Variants in XYLT1 observed in about 807,000 individuals in gnomAD.
XYLT1 encodes the protein xylosyltransferase 1.
In XYLT1, 36 loss-of-function variants were observed where a neutral mutation model predicts 91.3. The observed-to-expected ratio is 0.39, with a 90% CI of 0.30 to 0.52. The LOEUF (loss-of-function observed/expected upper bound fraction) is 0.52. XYLT1 is among the 20% of genes least tolerant of loss of function. The pLI, the probability that XYLT1 is intolerant of heterozygous loss-of-function variation, is 0.68. For missense variants in XYLT1, 1,242 were observed against 1,284.5 expected, an observed-to-expected ratio of 0.97 and a Z score of 0.51; for synonymous variants, 588 against 532.0, an observed-to-expected ratio of 1.11 and a Z score of -1.45.
intron 1 of XYLT1, among the ~76,000 whole-genome samples, chr16:17,360,729 C>T (rs551914275): frequency 2.6e-5 from 4 of 152,202 alleles, no homozygotes; most frequent in Non-Finnish European, 5.9e-5. Context: ...GAAAGGCTAA[C>T]GAAGTGGAAC....
chr16:17,308,779 C>T (rs988059975), intron 2 of XYLT1, among the ~76,000 whole-genome samples: 1 of 152,136 alleles, frequency 6.6e-6, no homozygotes, highest in Non-Finnish European at 1.5e-5. Context: ...TTTCCCAGTA[C>T]CTGACACATG....
chr16:17,296,300 C>G (rs1238827509), intron 2 of XYLT1, among the ~76,000 whole-genome samples: 1 of 152,152 alleles, frequency 6.6e-6, no homozygotes, highest in South Asian at 2.1e-4. Flanking sequence ...AGGAGGCAGG[C>G]TCAGCGCGTT....
At chr16:17,368,563 A>AT (rs1278537685) in intron 1 of XYLT1, among the ~76,000 whole-genome samples, 10,956 of 130,312 alleles carry the variant, frequency 0.084, 708 homozygotes, top group African/African-American at 0.18. Context: ...GGATAGATAG[A>AT]TTTTTTTTTT....
At chr16:17,230,094 C>A (rs561569672) in intron 3 of XYLT1, among the ~76,000 whole-genome samples, 1 of 152,330 alleles carries the variant, frequency 6.6e-6, no homozygotes, top group African/African-American at 2.4e-5. Context: ...CTAGAACCAA[C>A]CAACCCTGCT....
intron 3 of XYLT1, among the ~76,000 whole-genome samples, chr16:17,235,161 G>A (rs981517488): frequency 2.2e-4 from 34 of 152,092 alleles, no homozygotes; most frequent in Non-Finnish European, 8.8e-5. Context: ...GGAGGTTACT[G>A]ATGCCTGATT....
intron 1 of XYLT1, among the ~76,000 whole-genome samples, chr16:17,430,355 G>A (rs1279570462): frequency 6.6e-6 from 1 of 152,214 alleles, no homozygotes; most frequent in Non-Finnish European, 1.5e-5. Flanking sequence ...TGCTCAACCA[G>A]TAAGTATAAC....
intron 1 of XYLT1, among the ~76,000 whole-genome samples, chr16:17,468,723 T>C (rs2036935174): frequency 6.6e-6 from 1 of 152,084 alleles, no homozygotes. Flanking sequence ...AGGTGCTACA[T>C]GCATCCTAAA....
At chr16:17,212,176 T>G (rs1240984196) in intron 3 of XYLT1, among the ~76,000 whole-genome samples, 1 of 152,238 alleles carries the variant, frequency 6.6e-6, no homozygotes, top group Non-Finnish European at 1.5e-5. Context: ...AATCAGAAAC[T>G]CTGGGTGTGG....
chr16:17,303,333 G>A (rs1317559052), intron 2 of XYLT1, among the ~76,000 whole-genome samples: 1 of 152,184 alleles, frequency 6.6e-6, no homozygotes, highest in Non-Finnish European at 1.5e-5. Flanking sequence ...CTACTGTACA[G>A]CCACGCTGGC....
intron 11 of XYLT1, 94 bp from the exon 12 acceptor site, chr16:17,109,111 A>G: frequency 8.2e-7 from 1 of 1,217,388 alleles, no homozygotes; most frequent in Non-Finnish European, 1.1e-6. Flanking sequence ...ACTGGGTGCC[A>G]TGCATCGCCT....
chr16:17,320,250 T>G (rs2034695488), intron 2 of XYLT1, among the ~76,000 whole-genome samples: 1 of 152,222 alleles, frequency 6.6e-6, no homozygotes, highest in Non-Finnish European at 1.5e-5. Context: ...TCCAAAAACC[T>G]AGCACAGTGC....
At chr16:17,157,275 C>T (rs964738664) in intron 6 of XYLT1, among the ~76,000 whole-genome samples, 8 of 152,112 alleles carry the variant, frequency 5.3e-5, no homozygotes, top group East Asian at 3.9e-4. Context: ...GCTCAGGAGA[C>T]GGAGCTACCT....
At chr16:17,344,430 T>G (rs924054713) in intron 2 of XYLT1, among the ~76,000 whole-genome samples, 1 of 149,910 alleles carries the variant, frequency 6.7e-6, no homozygotes, top group African/African-American at 2.5e-5. Flanking sequence ...GAGGTGGAGC[T>G]TGCAGTGAGC....
At chr16:17,443,287 G>A (rs1414203387) in intron 1 of XYLT1, among the ~76,000 whole-genome samples, 1 of 152,100 alleles carries the variant, frequency 6.6e-6, no homozygotes, top group Non-Finnish European at 1.5e-5. Context: ...ACATGATATA[G>A]TATCTGATAT....
chr16:17,127,617 C>A, intron 10 of XYLT1, 49 bp downstream of exon 10: 2 of 1,574,394 alleles, frequency 1.3e-6, no homozygotes, highest in East Asian at 2.2e-5. Context: ...AGAATCTGGC[C>A]GAGGGAAATG....
At chr16:17,438,212 G>A (rs529993279) in intron 1 of XYLT1, among the ~76,000 whole-genome samples, 34 of 152,268 alleles carry the variant, frequency 2.2e-4, no homozygotes, top group East Asian at 1.7e-3. Flanking sequence ...GAACCTAATC[G>A]CAGAGGAAAA....
chr16:17,436,918 G>A (rs2036465996), intron 1 of XYLT1, among the ~76,000 whole-genome samples: 1 of 152,186 alleles, frequency 6.6e-6, no homozygotes, highest in African/African-American at 2.4e-5. Flanking sequence ...GGGTTTCCCA[G>A]AGAGAAAGTC....
chr16:17,230,860 T>A (rs1187523129), intron 3 of XYLT1, among the ~76,000 whole-genome samples: 1 of 152,206 alleles, frequency 6.6e-6, no homozygotes, highest in African/African-American at 2.4e-5. Context: ...TGGAGACATT[T>A]TTCATTGCCA....
chr16:17,282,966 C>A (rs1042922234), intron 2 of XYLT1, among the ~76,000 whole-genome samples: 4 of 151,958 alleles, frequency 2.6e-5, no homozygotes, highest in Admixed American at 6.6e-5. Context: ...AGTCACCCCC[C>A]CCAAGTCACA....
Sources: allele counts gnomAD v4.1 joint callset (sites outside exome capture counted in the v4.1 genomes callset), GRCh38; gene constraint gnomAD v4.1.1; transcripts MANE v1.5; gene names NCBI Gene and HGNC (gene_info 2026-07-23, HGNC 2026-07-21).